TENM2: variants seen among roughly 807,000 people sequenced by gnomAD.
TENM2 encodes teneurin-2.
A neutral mutation model predicts 245.2 loss-of-function variants in TENM2; 52 were observed. That is an observed-to-expected ratio of 0.21 (90% CI 0.17 to 0.27). TENM2 has a LOEUF of 0.27. Among genes scored for constraint, TENM2 ranks in the 10% least tolerant of loss-of-function variants. TENM2 has a pLI of 1.00. For synonymous variants in TENM2, 1,363 were observed against 1,438.9 expected (o/e 0.95, Z 1.19); for missense variants, 3,046 against 3,666.8 (o/e 0.83, Z 4.37).
In TENM2 at chr5:167,488,948, C is replaced by T. The variant is rs562006033; in HGVS notation, c.502+113475C>T. ...CTTAGAGTGGTCCTTGATTTGTGCC[C>T]TGTCTGCCTGCCACCACTTCATATC... On this transcript the variant is annotated intron_variant, in intron 2 of 28. Coordinates refer to ENST00000518659, the Ensembl canonical transcript of TENM2. Among the ~76,000 whole-genome samples the T allele has an allele frequency of 1.8e-4, 28 of 152,204 alleles. 1 individual carries two copies. Among genetic ancestry groups the T allele is most frequent in the African/African-American group, 6.7e-4 (28 of 41,522 alleles).
chr5:167,016,130 T>C, the TENM2 span, among the ~76,000 whole-genome samples: 2 of 151,830 alleles, frequency 1.3e-5, no homozygotes, highest in South Asian at 2.1e-4. Flanking sequence ...GGCGGGCGCC[T>C]GTAGTCCCAG....
chr5:167,430,631 T>C (rs770424904), intron 2 of TENM2, among the ~76,000 whole-genome samples: 1 of 152,162 alleles, frequency 6.6e-6, no homozygotes, highest in Non-Finnish European at 1.5e-5. Context: ...GCCTATTAAG[T>C]GGCCCCATGG....
intron 10 of TENM2, among the ~76,000 whole-genome samples, chr5:168,122,855 G>A (rs1474062403): frequency 2.0e-5 from 3 of 152,116 alleles, no homozygotes; most frequent in Admixed American, 1.3e-4. Flanking sequence ...TTGCCTCAAG[G>A]GAGGGCTGCC....
chr5:167,560,315 T>A (rs1773504918), intron 2 of TENM2, among the ~76,000 whole-genome samples: 1 of 152,230 alleles, frequency 6.6e-6, no homozygotes, highest in African/African-American at 2.4e-5. Context: ...TACCTATTTC[T>A]GTATTATACT....
At chr5:167,445,990 C>T (rs1765184517) in intron 2 of TENM2, among the ~76,000 whole-genome samples, 1 of 152,074 alleles carries the variant, frequency 6.6e-6, no homozygotes, top group African/African-American at 2.4e-5. Context: ...AATGTTTAAT[C>T]TCCCCTAGGG....
chr5:168,136,759 C>T (rs1755089422), intron 12 of TENM2, among the ~76,000 whole-genome samples: 1 of 152,192 alleles, frequency 6.6e-6, no homozygotes, highest in Non-Finnish European at 1.5e-5. Flanking sequence ...AGGATGCTTA[C>T]AAGTTCTTTA....
chr5:167,926,033 A>ATT (rs1233427256), intron 3 of TENM2, among the ~76,000 whole-genome samples: 1 of 152,214 alleles, frequency 6.6e-6, no homozygotes, highest in Non-Finnish European at 1.5e-5. Context: ...TGATGAAATA[A>ATT]TATGTACAAC....
intron 2 of TENM2, among the ~76,000 whole-genome samples, chr5:167,706,601 A>G (rs1278529283): frequency 2.6e-5 from 4 of 152,066 alleles, no homozygotes; most frequent in African/African-American, 7.2e-5. Flanking sequence ...AATTCCTTTG[A>G]ATATTTACCC....
At chr5:167,873,092 G>A (rs1561882578) in intron 2 of TENM2, among the ~76,000 whole-genome samples, 1 of 152,222 alleles carries the variant, frequency 6.6e-6, no homozygotes, top group African/African-American at 2.4e-5. Context: ...CTAAGTGGAC[G>A]TCAACACTGA....
intron 2 of TENM2, among the ~76,000 whole-genome samples, chr5:167,841,054 C>T (rs1769465820): frequency 8.0e-6 from 1 of 124,316 alleles, no homozygotes; most frequent in Non-Finnish European, 1.7e-5. Context: ...TAAAAATTGT[C>T]ATCCTCATTT....
chr5:168,130,657 G>A (rs1204479167), intron 12 of TENM2, among the ~76,000 whole-genome samples: 1 of 152,152 alleles, frequency 6.6e-6, no homozygotes, highest in Non-Finnish European at 1.5e-5. Context: ...CAGCACTTTG[G>A]GAGGCTGAGG....
chr5:167,971,741 A>G (rs1395340817), intron 4 of TENM2, among the ~76,000 whole-genome samples: 2 of 151,940 alleles, frequency 1.3e-5, no homozygotes, highest in Non-Finnish European at 2.9e-5. Context: ...CAAAACAAAA[A>G]CAAAAAAAAC....
chr5:167,246,084 G>A, the TENM2 span, among the ~76,000 whole-genome samples: 18 of 152,134 alleles, frequency 1.2e-4, no homozygotes, highest in African/African-American at 4.1e-4. Flanking sequence ...CCAATGGGCT[G>A]GAAAGGGGTG....
intron 4 of TENM2, among the ~76,000 whole-genome samples, chr5:167,976,728 G>A (rs1018200911): frequency 6.6e-6 from 1 of 152,136 alleles, no homozygotes; most frequent in African/African-American, 2.4e-5. Flanking sequence ...CAATATTTGG[G>A]CTTGGTACAT....
At chr5:167,091,114 T>A in the TENM2 span, among the ~76,000 whole-genome samples, 5 of 152,252 alleles carry the variant, frequency 3.3e-5, no homozygotes, top group South Asian at 1.0e-3. Context: ...TGGGGTTTTT[T>A]TTGTGAATTT....
chr5:167,972,528 T>A (rs1781865604), intron 4 of TENM2, among the ~76,000 whole-genome samples: 1 of 152,230 alleles, frequency 6.6e-6, no homozygotes, highest in East Asian at 1.9e-4. Flanking sequence ...AAACATCTTG[T>A]GTATATATCT....
intron 12 of TENM2, among the ~76,000 whole-genome samples, chr5:168,144,101 C>T (rs1178155104): frequency 6.6e-6 from 1 of 151,794 alleles, no homozygotes; most frequent in Non-Finnish European, 1.5e-5. Context: ...TCAGGTAATC[C>T]GCCTGCCTCG....
chr5:168,090,218 C>CCACACACACA (rs3083413), intron 7 of TENM2, among the ~76,000 whole-genome samples: 253 of 136,786 alleles, frequency 1.8e-3, no homozygotes, highest in Middle Eastern at 7.4e-3. Flanking sequence ...ACTCCCCCCA[C>CCACACACACA]CACACACACA....
intron 2 of TENM2, among the ~76,000 whole-genome samples, chr5:167,830,152 G>A (rs4869074): frequency 0.97 from 147,009 of 152,326 alleles, 71,170 homozygotes; most frequent in East Asian, 1. Flanking sequence ...TCTATCATCA[G>A]ATGGGCAGAT....
Sources: allele counts gnomAD v4.1 joint callset (sites outside exome capture counted in the v4.1 genomes callset), GRCh38; gene constraint gnomAD v4.1.1; transcripts MANE v1.5; gene names NCBI Gene and HGNC (gene_info 2026-07-23, HGNC 2026-07-21).